Variants in GBP5 observed in about 807,000 individuals in gnomAD.
The protein encoded by GBP5 is guanylate-binding protein 5.
In GBP5, 48 loss-of-function variants were observed where a neutral mutation model predicts 58.2. The observed-to-expected ratio is 0.83, with a 90% CI of 0.65 to 1.05. GBP5 has a LOEUF of 1.05. GBP5 is among the 50% of genes least tolerant of loss of function. The pLI, the probability that GBP5 is intolerant of heterozygous loss-of-function variation, is 0.00. For synonymous variants in GBP5, 248 were observed against 251.8 expected (o/e 0.98, Z 0.14); for missense variants, 714 against 686.8 (o/e 1.04, Z -0.44).
rs981705193 is a variant in GBP5 at position 89,258,630 on chromosome 1, G to A, written c.*2074C>T. Among the ~76,000 whole-genome samples the A allele has an allele frequency of 2.0e-5, 3 of 151,950 alleles. No homozygotes were observed. The highest frequency in any genetic ancestry group is 4.8e-5 in the African/African-American group (2 of 41,444). ...AAAAGAGCAGACACTAAAATTTTTC[G>A]GCTTTTTTCTGTATATAAGTAAATC... On this transcript the variant is annotated 3_prime_UTR_variant, in exon 12 of 12. Coordinates refer to ENST00000370459, the MANE Select transcript of GBP5 (RefSeq NM_052942.5).
rs1649952132 is a variant in GBP5, at chr1:89,260,216, G to GTCAC, written c.*484_*487dup. 1 of 155,918 alleles carries GTCAC rather than the reference G, an allele frequency of 6.4e-6. No homozygotes were observed. The highest frequency in any genetic ancestry group is 1.4e-5 in the Non-Finnish European group (1 of 70,544). The allele number at this position is 155,918 out of a possible 1,614,324, so 9.7% of individuals were successfully genotyped here. Reference sequence around the variant, plus strand: ...GTTCCCACTCCTGTGAGAATCTAATGTCACTGCTGATCTGACAGGAGGTGG... The same window carrying GTCAC: ...GTTCCCACTCCTGTGAGAATCTAATGTCACTCACTGCTGATCTGACAGGAGGTGG... On this transcript the variant is annotated 3_prime_UTR_variant, in exon 12 of 12. Transcript: ENST00000370459.
At chr1:89,269,684 A>C in intron 2 of GBP5, 110 bp from the exon 3 acceptor site, 1 of 615,314 alleles carries the variant, frequency 1.6e-6, no homozygotes, top group Non-Finnish European at 2.8e-6. Flanking sequence ...AGCACTGCCT[A>C]AGTTTCTGGA....
Position 89,258,875 on chromosome 1 carries a change from C to T in GBP5, c.*1829G>A, listed in dbSNP as rs1007882679. ...TTTTAATTCTAGTCTTAAAGCAATT[C>T]TTAATCTCCTTAGGGAAATTCAGTC... On this transcript the variant is annotated 3_prime_UTR_variant, in exon 12 of 12. Transcript: ENST00000370459. 1.3e-5 allele frequency: 2 copies of T among 152,126 alleles called. No homozygotes were observed. The highest frequency in any genetic ancestry group is 6.5e-5 in the Admixed American group (1 of 15,274). 9.4% of individuals were successfully genotyped at this position (152,126 alleles called of 1,614,324 possible). A position where few individuals can be genotyped will look rare whatever the true frequency, so the allele number is the denominator to read the frequency against.
rs1650331208 is a variant in GBP5 at position 89,268,862 on chromosome 1, A to G, written c.191-6T>C. 1 of 1,612,794 alleles carries G rather than the reference A, an allele frequency of 6.2e-7. No homozygotes were observed. Among genetic ancestry groups the G allele is most frequent in the Non-Finnish European group, 8.5e-7 (1 of 1,179,464 alleles). On this transcript the variant is annotated splice_region_variant and splice_polypyrimidine_tract_variant and intron_variant, in intron 3 of 11. Transcript: ENST00000370459. ...CGTAGATGCAACAGAGAAGCCTGTC[A>G]GGGGGAGTGAGAGGTTGTAATAGAA...
intron 10 of GBP5, 70 bp from the exon 11 acceptor site, chr1:89,262,471 G>T: frequency 7.2e-7 from 1 of 1,391,292 alleles, no homozygotes; most frequent in Non-Finnish European, 9.9e-7. Context: ...TTTTGTTTGT[G>T]ATTGTTCCAA....
At chr1:89,267,660 C>A in intron 4 of GBP5, 134 bp from the exon 5 acceptor site, 1 of 624,662 alleles carries the variant, frequency 1.6e-6, no homozygotes, top group Non-Finnish European at 2.9e-6. Flanking sequence ...TTGAATAGTT[C>A]TCTTGTTAAC....
intron 10 of GBP5, 70 bp downstream of exon 10, chr1:89,262,612 AG>A: frequency 8.8e-7 from 1 of 1,134,092 alleles, no homozygotes; most frequent in South Asian, 1.3e-5. Context: ...ACATCCCATG[AG>A]GGCCAGGCCA....
chr1:89,266,913 G>C (rs772435591), intron 6 of GBP5, 44 bp downstream of exon 6: 23 of 1,379,886 alleles, frequency 1.7e-5, no homozygotes, highest in Non-Finnish European at 2.3e-5. Flanking sequence ...TAATTTCTTA[G>C]ATTACTTTTT....
rs1280575621 is a variant in GBP5, at chr1:89,262,312, C to T, written c.1555G>A (p.Glu519Lys). The T allele has an allele frequency of 1.9e-6, 3 of 1,614,010 alleles. No individual in the cohort carries two copies. Among genetic ancestry groups the T allele is most frequent in the Admixed American group, 1.7e-5 (1 of 60,008 alleles). ...RQNEQMMQER[E>K]RLHQEQVRQM... ...CTCACTTGTTCCTGATGGAGTCTCT[C>T]CCTCTCCTGCATCATTTGCTCGTTC... Residue 519 changes from glutamate (E) to lysine (K), a missense_variant, in exon 11 of 12, where the codon GAG becomes AAG. Glu to Lys is a moderately conservative substitution (Grantham distance 56). Coordinates refer to ENST00000370459, the MANE Select transcript of GBP5 (RefSeq NM_052942.5).
Position 89,266,346 on chromosome 1 carries a change from G to A in GBP5, c.868C>T (p.Arg290Cys), listed in dbSNP as rs779805988. The A allele has an allele frequency of 9.3e-6, 15 of 1,610,560 alleles. No homozygotes were observed. In the Admixed American group the frequency reaches 1.2e-4, roughly 13 times the overall value. ...LPGGIMVNGS[R>C]LKNLVLTYVN... ...GGAAAATCCTAAAAATAATACTCAC[G>A]AGATCCATTGACCATGATGCCACCT... The change falls in exon 7 of 12, where the codon CGT becomes TGT. Residue 290 changes from arginine to cysteine, a missense_variant and splice_region_variant. By Grantham distance (180) the Arg-to-Cys change is radical. Coordinates refer to ENST00000370459, the MANE Select transcript of GBP5 (RefSeq NM_052942.5).
At chr1:89,266,191 A>T (rs993601926) in intron 7 of GBP5, among the ~76,000 whole-genome samples, 155 bp downstream of exon 7, 2 of 152,234 alleles carry the variant, frequency 1.3e-5, no homozygotes, top group South Asian at 4.1e-4. Context: ...GTAATATGTG[A>T]TACCCACTGA....
Position 89,263,757 on chromosome 1 carries a change from C to T in GBP5, c.1341G>A (p.Arg447=). 3.1e-6 allele frequency: 5 copies of T among 1,613,366 alleles called. No individual in the cohort carries two copies. The highest frequency in any genetic ancestry group is 4.2e-6 in the Non-Finnish European group (5 of 1,179,560). Residue 447 remains arginine, a synonymous_variant, in exon 9 of 12, where the codon CGG becomes CGA. Coordinates refer to ENST00000370459, the MANE Select transcript of GBP5 (RefSeq NM_052942.5). ...ATACCTGTATTCCTTTCCGAGGCTC[C>T]CGATAGTACTTTGCCTTCAGTTCTT... ...KTEELKAKYY[R]EPRKGIQAEE...
chr1:89,264,747 A>G lies in GBP5; in HGVS notation c.1088T>C (p.Ile363Thr), dbSNP rs767496198. Residue 363 changes from isoleucine (I) to threonine (T), a missense_variant, in exon 8 of 12, where the codon ATT (isoleucine) becomes ACT (threonine). Physicochemically the swap from Ile to Thr is moderately conservative, Grantham distance 89. Transcript: ENST00000370459. ...GAAAGAGTTTTTCATGAAGACTTCAATGGCCTCCCTCTCACTGGTCCTGTG... is the reference window on the plus strand; with the variant it reads ...GAAAGAGTTTTTCATGAAGACTTCAGTGGCCTCCCTCTCACTGGTCCTGTG... ...DLHRTSEREA[I>T]EVFMKNSFKD... 8.1e-6 allele frequency: 13 copies of G among 1,614,096 alleles called. No individual in the cohort carries two copies. The highest frequency in any genetic ancestry group is 1.3e-5 in the African/African-American group (1 of 74,938).
intron 7 of GBP5, 125 bp from the exon 8 acceptor site, chr1:89,265,091 G>A: frequency 1.1e-6 from 1 of 877,774 alleles, no homozygotes; most frequent in African/African-American, 1.7e-5. Flanking sequence ...ATGGACAGTA[G>A]TCAAGTGGCC....
chr1:89,256,886 A>G lies in GBP5; in HGVS notation c.*3818T>C, dbSNP rs945808519. ...ACCCTGTATTATTCCTATAAAGTCT[A>G]TTTTTTGGACTTTCTATTCTGTTGG... is the stretch of plus-strand genomic sequence containing the variant. On this transcript the variant is annotated 3_prime_UTR_variant, in exon 12 of 12. Transcript: ENST00000370459. 1.6e-4 allele frequency among the ~76,000 whole-genome samples: 25 copies of G among 152,042 alleles called. No homozygotes were observed. The highest frequency in any genetic ancestry group is 5.6e-4 in the African/African-American group (23 of 41,400).
In GBP5 at chr1:89,269,346, G is replaced by A; in HGVS notation, c.190+20C>T. 1.2e-6 allele frequency: 2 copies of A among 1,612,190 alleles called. No homozygotes were observed. Among genetic ancestry groups the A allele is most frequent in the Non-Finnish European group, 1.7e-6 (2 of 1,178,606 alleles). On this transcript the variant is annotated intron_variant, in intron 3 of 11. Transcript: ENST00000370459. Reference sequence around the variant, plus strand: ...TGAATGGACAGAAGGGTTTGGCAGAGCTTTGCTGGTACCACTCACCCTTGT... The same window carrying A: ...TGAATGGACAGAAGGGTTTGGCAGAACTTTGCTGGTACCACTCACCCTTGT...
At chr1:89,261,998 C>T in intron 11 of GBP5, 1 of 556,760 alleles carries the variant, frequency 1.8e-6, no homozygotes, top group East Asian at 2.9e-5. Context: ...TAGATATCAT[C>T]ACTGTGTCCA....
chr1:89,270,469 A>G (rs371462396), intron 2 of GBP5: 30 of 152,206 alleles, frequency 2.0e-4, no homozygotes, highest in African/African-American at 7.2e-4. Context: ...CCATCTCTTT[A>G]CTAGCAAATT....
chr1:89,260,960 C>G, intron 11 of GBP5, 143 bp from the exon 12 acceptor site: 1 of 608,946 alleles, frequency 1.6e-6, no homozygotes, highest in Non-Finnish European at 2.9e-6. Context: ...TAACCTATTT[C>G]TGTAATTATT....
Sources: gnomAD v4.1 joint callset for allele counts (sites outside exome capture counted in the v4.1 genomes callset) on GRCh38, gnomAD v4.1.1 for gene constraint, MANE v1.5 for transcripts, NCBI Gene and HGNC (gene_info 2026-07-23, HGNC 2026-07-21) for gene names.